RAPGEF1: variants seen among roughly 807,000 people sequenced by gnomAD.
RAPGEF1 encodes Rap guanine nucleotide exchange factor 1.
Under a neutral mutation model 143.3 loss-of-function variants are expected in RAPGEF1, and 33 were observed. The observed-to-expected ratio is 0.23, with a 90% confidence interval of 0.17 to 0.31. The LOEUF is 0.31. Ranked by LOEUF, RAPGEF1 falls within the 10% of genes least tolerant of loss-of-function variation. The pLI is 1.00. For missense variants in RAPGEF1, 1,199 were observed against 1,645.4 expected (o/e 0.73, Z 4.69); for synonymous variants, 629 against 676.5 (o/e 0.93, Z 1.09).
intron 1 of RAPGEF1, 75 bp from the exon 2 acceptor site, chr9:131,651,024 G>A: frequency 6.6e-7 from 1 of 1,523,078 alleles, no homozygotes; most frequent in Non-Finnish European, 8.9e-7. Context: ...TTGTGGAAAT[G>A]AGCAATGTCC....
chr9:131,734,599 G>A (rs188616655), intron 1 of RAPGEF1, among the ~76,000 whole-genome samples: 1 of 152,214 alleles, frequency 6.6e-6, no homozygotes, highest in East Asian at 1.9e-4. Context: ...ATACTTTGAC[G>A]ACAAAAATTC....
chr9:131,587,107 C>T lies in RAPGEF1; in HGVS notation c.3233+629G>A, dbSNP rs1476691780. On this transcript the variant is annotated intron_variant, in intron 22 of 26. Coordinates refer to ENST00000683357, the MANE Select transcript of RAPGEF1 (RefSeq NM_001377935.1). ...ACCTGCAGAGCGAGACTCCGTCTTA[C>T]ACACACACCTGCAGAGCGAGACTCC... 5.5e-4 allele frequency among the ~76,000 whole-genome samples: 67 copies of T among 122,768 alleles called. 1 individual carries two copies. The highest frequency in any genetic ancestry group is 2.1e-3 in the African/African-American group (58 of 28,040). 80.5% of individuals were successfully genotyped at this position (122,768 alleles called of 152,430 possible).
intron 1 of RAPGEF1, among the ~76,000 whole-genome samples, chr9:131,686,023 A>G (rs1183626106): frequency 6.6e-6 from 1 of 152,156 alleles, no homozygotes; most frequent in African/African-American, 2.4e-5. Flanking sequence ...TGGGGTGTGA[A>G]TATCTCACCT....
intron 6 of RAPGEF1, 78 bp downstream of exon 6, chr9:131,630,158 A>G (rs11243457): frequency 2.6e-6 from 3 of 1,162,718 alleles, no homozygotes; most frequent in African/African-American, 1.5e-5. Flanking sequence ...TGCCCACCCC[A>G]CCGGGCCCTA....
At position 131,628,516 on chromosome 9, in the gene RAPGEF1, G is replaced by A. The variant is rs752620213; in HGVS notation, c.1017+33C>T. 1.3e-5 allele frequency: 21 copies of A among 1,602,496 alleles called. No individual in the cohort carries two copies. In the East Asian group the frequency reaches 4.3e-4, roughly 33 times the overall value. On this transcript the variant is annotated intron_variant, in intron 8 of 26. Transcript: ENST00000683357. The surrounding 1 kb of genome is among the most constrained non-coding windows in gnomAD (Gnocchi z 5.7). ...TCCCTGAGCCCCCCACCCCCTCCCT[G>A]CCTTCCCATGCAGGGAACAGGGGCT...
chr9:131,579,578 C>T lies in RAPGEF1; in HGVS notation c.3711G>A (p.Glu1237=). ...TCAGAGACAGTTCCCATAGGGCCTC[C>T]TCAGCCAGGTGGTCACTGAAGTCAT... is the stretch of plus-strand genomic sequence containing the variant. ...FFNDFSDHLA[E]EALWELSLKI... is the part of the protein sequence containing the mutation. The change falls in exon 27 of 27, where the codon GAG becomes GAA. Residue 1237 remains glutamate (E), a synonymous_variant. Coordinates refer to ENST00000683357, the MANE Select transcript of RAPGEF1 (RefSeq NM_001377935.1). 6.2e-7 allele frequency: 1 copy of T among 1,614,054 alleles called. No homozygotes were observed. Among genetic ancestry groups the T allele is most frequent in the East Asian group, 2.2e-5 (1 of 44,890 alleles).
At chr9:131,600,522 C>G (rs1184449653) in intron 15 of RAPGEF1, among the ~76,000 whole-genome samples, 1 of 152,024 alleles carries the variant, frequency 6.6e-6, no homozygotes, top group East Asian at 1.9e-4. Context: ...GGGCAGGTGG[C>G]CCTCTTCAAC....
chr9:131,604,934 G>A lies in RAPGEF1; in HGVS notation c.2316C>T (p.Asp772=), dbSNP rs183016813. The A allele has an allele frequency of 4.3e-4, 559 of 1,302,606 alleles. No individual in the cohort carries two copies. The highest frequency in any genetic ancestry group is 6.9e-4 in the Admixed American group (30 of 43,548). 80.7% of individuals were successfully genotyped at this position (1,302,606 alleles called of 1,614,324 possible). A position where few individuals can be genotyped will look rare whatever the true frequency, so the allele number is the denominator to read the frequency against. ...VCLPSETSFT[D]SSENASEEAG... is the part of the protein sequence containing the mutation. ...TGTGTGCACGCTGAGTTCTCACCGA[G>A]TCAGTGAAAGAGGTTTCGGAAGGAA... The change falls in exon 13 of 27, where the codon GAC becomes GAT. Residue 772 remains aspartate, a synonymous_variant. Coordinates refer to ENST00000683357, the MANE Select transcript of RAPGEF1 (RefSeq NM_001377935.1).
Position 131,584,788 on chromosome 9 carries a change from A to G in RAPGEF1, c.3234-192T>C, listed in dbSNP as rs1443862813. Among the ~76,000 whole-genome samples, 1 of 152,198 alleles carries G rather than the reference A, an allele frequency of 6.6e-6. No homozygotes were observed. Among genetic ancestry groups the G allele is most frequent in the Admixed American group, 6.5e-5 (1 of 15,282 alleles). On this transcript the variant is annotated intron_variant, in intron 22 of 26. Coordinates refer to ENST00000683357, the MANE Select transcript of RAPGEF1 (RefSeq NM_001377935.1). The surrounding 1 kb of genome is among the most constrained non-coding windows in gnomAD (Gnocchi z 6.8). Reference sequence around the variant, plus strand: ...AGGAGCTCATAACATCCTGGGACAGAGGCACAAGGAAATCTGGTGACAATA... The same window carrying G: ...AGGAGCTCATAACATCCTGGGACAGGGGCACAAGGAAATCTGGTGACAATA...
chr9:131,622,899 C>G (rs1447997853), intron 10 of RAPGEF1, among the ~76,000 whole-genome samples: 1 of 152,008 alleles, frequency 6.6e-6, no homozygotes, highest in Non-Finnish European at 1.5e-5. Flanking sequence ...TACTGAGTAG[C>G]TGGGATTATA....
At chr9:131,586,805 C>G (rs1389016759) in intron 22 of RAPGEF1, among the ~76,000 whole-genome samples, 3 of 126,048 alleles carry the variant, frequency 2.4e-5, no homozygotes, top group Admixed American at 7.6e-5. Flanking sequence ...AACACACACA[C>G]ACACACACAC....
rs1951549957 is a variant in RAPGEF1 at position 131,579,665 on chromosome 9, G to A, written c.3642-18C>T. 6.2e-7 allele frequency: 1 copy of A among 1,612,186 alleles called. No individual in the cohort carries two copies. Among genetic ancestry groups the A allele is most frequent in the Non-Finnish European group, 8.5e-7 (1 of 1,178,894 alleles). On this transcript the variant is annotated intron_variant, in intron 26 of 26. Transcript: ENST00000683357. Reference sequence around the variant, plus strand: ...CATAGTGCCTGGTGCAGGGGATGGGGAGCAGTCAGTGAGCACCTGTGTGGG... The same window carrying A: ...CATAGTGCCTGGTGCAGGGGATGGGAAGCAGTCAGTGAGCACCTGTGTGGG...
chr9:131,594,170 C>T (rs1954841318), intron 17 of RAPGEF1, among the ~76,000 whole-genome samples: 2 of 152,356 alleles, frequency 1.3e-5, no homozygotes, highest in South Asian at 4.1e-4. Flanking sequence ...GGGACAGCGC[C>T]TGGCTTCTGG....
intron 3 of RAPGEF1, among the ~76,000 whole-genome samples, chr9:131,644,781 T>C (rs1455659806): frequency 2.0e-5 from 3 of 152,076 alleles, no homozygotes; most frequent in South Asian, 4.1e-4. Flanking sequence ...CTGGGCAACA[T>C]AGTGACACAC....
At chr9:131,671,401 T>C (rs1831367382) in intron 1 of RAPGEF1, among the ~76,000 whole-genome samples, 1 of 152,198 alleles carries the variant, frequency 6.6e-6, no homozygotes, top group African/African-American at 2.4e-5. Context: ...AGAACACACC[T>C]TCCCCTTGAA....
chr9:131,733,350 A>C (rs1335946810), intron 1 of RAPGEF1, among the ~76,000 whole-genome samples: 2 of 58,326 alleles, frequency 3.4e-5, no homozygotes, highest in African/African-American at 1.4e-4. Flanking sequence ...AAATTTAAAA[A>C]AGCCGGGGCG....
intron 3 of RAPGEF1, among the ~76,000 whole-genome samples, chr9:131,646,478 C>A (rs1245381160): frequency 1.3e-5 from 2 of 152,238 alleles, no homozygotes; most frequent in Admixed American, 6.5e-5. Context: ...GCCCCGTGGG[C>A]CATATTCATT....
At chr9:131,657,610 G>A (rs565121297) in intron 1 of RAPGEF1, among the ~76,000 whole-genome samples, 2 of 152,286 alleles carry the variant, frequency 1.3e-5, no homozygotes, top group Admixed American at 6.5e-5. Context: ...TGTCTAACAC[G>A]ACAGGCACTA....
At position 131,650,308 on chromosome 9, in the gene RAPGEF1, T is replaced by A. The variant is rs914895494; in HGVS notation, c.202-66A>T. ...GGCTGTTTGAGGCCGAAGGGAGGGG[T>A]TGATGAAAGTCAATAGCTGTTTCAA... On this transcript the variant is annotated intron_variant, in intron 2 of 26. Transcript: ENST00000683357. This position sits in a 1 kb window ranked among gnomAD's most constrained non-coding sequence, Gnocchi z 4.7. 5 of 1,242,962 alleles carry A rather than the reference T, an allele frequency of 4.0e-6. No homozygotes were observed. The highest frequency in any genetic ancestry group is 2.0e-5 in the Admixed American group (1 of 50,632). The allele number at this position is 1,242,962 out of a possible 1,614,324, so 77.0% of individuals were successfully genotyped here. A position where few individuals can be genotyped will look rare whatever the true frequency, so the allele number is the denominator to read the frequency against.
Sources: allele counts gnomAD v4.1 joint callset (sites outside exome capture counted in the v4.1 genomes callset), GRCh38; gene constraint gnomAD v4.1.1; non-coding constraint Gnocchi (gnomAD v3.1); transcripts MANE v1.5; gene names NCBI Gene and HGNC (gene_info 2026-07-23, HGNC 2026-07-21).